PPIL6: variants seen among roughly 807,000 people sequenced by gnomAD.
PPIL6 encodes the protein peptidylprolyl isomerase like 6.
In PPIL6, 39 loss-of-function variants were observed where a neutral mutation model predicts 36.8. That is an observed-to-expected ratio of 1.06 (90% CI 0.82 to 1.38). The LOEUF is 1.38. Among genes scored for constraint, PPIL6 ranks in the 40% most tolerant of loss-of-function variants. The pLI is 0.00. For missense variants in PPIL6, 368 were observed against 379.1 expected (o/e 0.97, Z 0.24); for synonymous variants, 123 against 134.1 (o/e 0.92, Z 0.57).
chr6:109,400,856 T>TA (rs1772498977), intron 6 of PPIL6, among the ~76,000 whole-genome samples: 1 of 152,134 alleles, frequency 6.6e-6, no homozygotes, highest in East Asian at 1.9e-4. Flanking sequence ...GATCTTCAAA[T>TA]AAAATTTTTT....
At chr6:109,431,366 A>AG (rs1318233533) in intron 2 of PPIL6, 21 bp from the exon 3 acceptor site, 4 of 1,540,704 alleles carry the variant, frequency 2.6e-6, no homozygotes, top group Non-Finnish European at 2.6e-6. Context: ...AAAGGACAAA[A>AG]AAAAAAAAAA....
rs74332110 is a variant in PPIL6 at position 109,404,780 on chromosome 6, G to A, written c.689-4610C>T. ...ATCGATTCAATAAAGATATCTTTTC[G>A]GCCGGGTGCAGTGGCTCTCGTCTGT... On this transcript the variant is annotated intron_variant, in intron 6 of 7. Coordinates refer to ENST00000521072, the MANE Select transcript of PPIL6 (RefSeq NM_173672.5). The A allele has an allele frequency of 7.3e-4, 112 of 153,232 alleles. 1 individual carries two copies. The East Asian group carries it at 0.019, about 26-fold the overall frequency. The allele number at this position is 153,232 out of a possible 1,614,324, so 9.5% of individuals were successfully genotyped here. A position where few individuals can be genotyped will look rare whatever the true frequency, so the allele number is the denominator to read the frequency against.
chr6:109,438,795 G>A (rs1317514132), intron 1 of PPIL6, among the ~76,000 whole-genome samples: 1 of 152,066 alleles, frequency 6.6e-6, no homozygotes, highest in East Asian at 1.9e-4. Flanking sequence ...CACCATGTTG[G>A]CCAGGCTGGT....
At chr6:109,405,330 ATAGTT>A (rs1448680272) in intron 6 of PPIL6, among the ~76,000 whole-genome samples, 6 of 152,280 alleles carry the variant, frequency 3.9e-5, no homozygotes, top group Admixed American at 3.9e-4. Context: ...CCTAAGCACT[ATAGTT>A]TAGTCTTTCC....
upstream of PPIL6, chr6:109,441,061 T>TC (rs1267408905): frequency 1.1e-5 from 18 of 1,570,614 alleles, no homozygotes; most frequent in Admixed American, 8.4e-5. Context: ...GCCGCCCCCG[T>TC]CCCCACCGCG....
intron 6 of PPIL6, chr6:109,404,812 G>A (rs1264444096): frequency 6.4e-6 from 1 of 155,880 alleles, no homozygotes; most frequent in African/African-American, 2.4e-5. Flanking sequence ...CTGTAACTTT[G>A]GGAGGCCGAG....
At chr6:109,440,988 C>G, upstream of PPIL6, 5 of 853,180 alleles carry the variant, frequency 5.9e-6, no homozygotes, top group Non-Finnish European at 5.6e-6. Flanking sequence ...GCCACGCGGG[C>G]TTGGTGCCCA....
chr6:109,401,358 A>C (rs1395196797), intron 6 of PPIL6, among the ~76,000 whole-genome samples: 2 of 152,202 alleles, frequency 1.3e-5, no homozygotes, highest in African/African-American at 4.8e-5. Flanking sequence ...GAAGGAAATA[A>C]TGGATGAGAA....
chr6:109,410,031 G>A (rs1267355466), intron 6 of PPIL6, among the ~76,000 whole-genome samples: 1 of 152,164 alleles, frequency 6.6e-6, no homozygotes, highest in African/African-American at 2.4e-5. Context: ...GCCTCGTGTA[G>A]GGCCCGCTTC....
chr6:109,425,749 C>CA (rs34275471), intron 5 of PPIL6, among the ~76,000 whole-genome samples: 6,153 of 103,492 alleles, frequency 0.059, 240 homozygotes, highest in Middle Eastern at 0.1. Flanking sequence ...GACTCCGTTT[C>CA]AAAAAAAAAA....
chr6:109,411,693 A>G (rs941540577), intron 6 of PPIL6, among the ~76,000 whole-genome samples: 1 of 152,196 alleles, frequency 6.6e-6, no homozygotes, highest in African/African-American at 2.4e-5. Flanking sequence ...TGTGTTTTCT[A>G]GATTACAACA....
Position 109,392,498 on chromosome 6 carries a change from G to C in PPIL6, c.*328C>G, listed in dbSNP as rs1178111487. The C allele has an allele frequency of 4.8e-6, 1 of 209,680 alleles. No individual in the cohort carries two copies. The highest frequency in any genetic ancestry group is 1.1e-4 in the East Asian group (1 of 8,922). The allele number at this position is 209,680 out of a possible 1,614,324, so 13.0% of individuals were successfully genotyped here. On this transcript the variant is annotated 3_prime_UTR_variant, in exon 8 of 8. Transcript: ENST00000521072. ...TTTTCTTTATGGCCACAAGATGACA[G>C]CTGTAGCTCCAGCCTCTCCACATTC...
Position 109,440,336 on chromosome 6 carries a change from T to C in PPIL6, c.135+120A>G, listed in dbSNP as rs753400172. 4.7e-6 allele frequency: 6 copies of C among 1,266,542 alleles called. No homozygotes were observed. The South Asian group carries it at 6.4e-5, about 14-fold the overall frequency. The allele number at this position is 1,266,542 out of a possible 1,614,324, so 78.5% of individuals were successfully genotyped here. On this transcript the variant is annotated intron_variant, in intron 1 of 7. Transcript: ENST00000521072. ...CGCCCGGCCAGGACACGCCAGCCCC[T>C]TCCTCGGCCGGTGGGGCCTCGACCC...
intron 6 of PPIL6, among the ~76,000 whole-genome samples, chr6:109,409,037 T>C (rs1488361311): frequency 1.3e-5 from 2 of 152,242 alleles, no homozygotes; most frequent in African/African-American, 4.8e-5. Flanking sequence ...CAAGCAGGAC[T>C]TATCCTTGAG....
intron 2 of PPIL6, among the ~76,000 whole-genome samples, chr6:109,434,410 A>T (rs1444074380): frequency 6.6e-6 from 1 of 152,070 alleles, no homozygotes; most frequent in Non-Finnish European, 1.5e-5. Flanking sequence ...GAAAAAAAAG[A>T]ATATATATGT....
intron 2 of PPIL6, among the ~76,000 whole-genome samples, chr6:109,434,997 A>G (rs1042933060): frequency 4.6e-5 from 7 of 152,188 alleles, no homozygotes; most frequent in African/African-American, 1.7e-4. Flanking sequence ...AATGCAGAGA[A>G]GGAAGCTTCA....
At position 109,419,258 on chromosome 6, in the gene PPIL6, C is replaced by A. The variant is rs148663516; in HGVS notation, c.632-15G>T. On this transcript the variant is annotated splice_polypyrimidine_tract_variant and intron_variant, in intron 5 of 7. Transcript: ENST00000521072. ...ATACACTATATCTGAGAAATAGCAA[C>A]AAATAAACATTAGAATTTTGAGATG... 2.5e-4 allele frequency: 366 copies of A among 1,475,574 alleles called. 3 individuals carry two copies. The highest frequency in any genetic ancestry group is 2.2e-3 in the African/African-American group (157 of 71,896). The allele number at this position is 1,475,574 out of a possible 1,614,324, so 91.4% of individuals were successfully genotyped here.
intron 6 of PPIL6, among the ~76,000 whole-genome samples, chr6:109,409,336 C>A (rs937593750): frequency 1.3e-5 from 2 of 152,000 alleles, no homozygotes; most frequent in African/African-American, 2.4e-5. Context: ...CCAAGGCAGG[C>A]GGATCACTTG....
At chr6:109,425,055 T>A (rs1031523512) in intron 5 of PPIL6, among the ~76,000 whole-genome samples, 2 of 152,212 alleles carry the variant, frequency 1.3e-5, no homozygotes, top group Non-Finnish European at 2.9e-5. Flanking sequence ...GTCTGGATCA[T>A]GGGAACTGGA....
Sources: allele counts gnomAD v4.1 joint callset (sites outside exome capture counted in the v4.1 genomes callset), GRCh38; gene constraint gnomAD v4.1.1; transcripts MANE v1.5; gene names NCBI Gene and HGNC (gene_info 2026-07-23, HGNC 2026-07-21).